The following ABL1 variants were observed in gnomAD, a reference collection of about 807,000 sequenced individuals.
ABL1 encodes the protein ABL proto-oncogene 1, non-receptor tyrosine kinase.
Under a neutral mutation model 94.7 loss-of-function variants are expected in ABL1, and 11 were observed. That is an observed-to-expected ratio of 0.12 (90% confidence interval 0.07 to 0.19). The LOEUF is 0.19. Among genes scored for constraint, ABL1 ranks in the 10% least tolerant of loss-of-function variants. The probability of loss-of-function intolerance (pLI) is 1.00; values close to 1 mark genes in which losing one functional copy is unlikely to be tolerated. For missense variants in ABL1, 1,082 were observed against 1,489.4 expected, an observed-to-expected ratio of 0.73 and a Z score of 4.50; for synonymous variants, 656 against 622.4, an observed-to-expected ratio of 1.05 and a Z score of -0.80.
At chr9:130,868,002 C>G (rs1300158962) in intron 4 of ABL1, among the ~76,000 whole-genome samples, 1 of 151,858 alleles carries the variant, frequency 6.6e-6, no homozygotes, top group Non-Finnish European at 1.5e-5. Flanking sequence ...CTCTGTCACC[C>G]AGGCTGGAGT....
chr9:130,816,995 C>T (rs975349615), intron 1 of ABL1, among the ~76,000 whole-genome samples: 1 of 152,216 alleles, frequency 6.6e-6, no homozygotes, highest in African/African-American at 2.4e-5. Context: ...CGTGAGCCAC[C>T]GCCTGGTCTC....
At chr9:130,731,733 C>G (rs1349701048) in intron 1 of ABL1, among the ~76,000 whole-genome samples, 2 of 152,134 alleles carry the variant, frequency 1.3e-5, no homozygotes, top group African/African-American at 4.8e-5. Flanking sequence ...TCTTGGCTTG[C>G]TCCTTTGTAT....
intron 10 of ABL1, among the ~76,000 whole-genome samples, chr9:130,881,098 C>A (rs35536786): frequency 9.3e-4 from 142 of 152,350 alleles, no homozygotes; most frequent in Non-Finnish European, 1.7e-3. Context: ...ATGGACAGAA[C>A]CCGTGTCCTG....
At position 130,762,725 on chromosome 9, in the gene ABL1, C is replaced by T. The variant is rs1429021526; in HGVS notation, c.136+48270C>T. Among the ~76,000 whole-genome samples the T allele has an allele frequency of 2.6e-5, 4 of 152,062 alleles. 1 individual carries two copies. Among genetic ancestry groups the T allele is most frequent in the African/African-American group, 9.7e-5 (4 of 41,392 alleles). ...AGGAGATCGAGACCATCCTGGCTAA[C>T]ACGGTGAAACCCCTTCTCTACTAAA... On this transcript the variant is annotated intron_variant, in intron 1 of 10. Transcript: ENST00000372348.
intron 1 of ABL1, among the ~76,000 whole-genome samples, chr9:130,779,279 G>A (rs1450974045): frequency 2.8e-5 from 4 of 145,028 alleles, no homozygotes; most frequent in African/African-American, 9.8e-5. Context: ...TCAAATGGTA[G>A]TTAGGGCAAC....
chr9:130,718,428 T>C (rs979356459), intron 1 of ABL1, among the ~76,000 whole-genome samples: 1 of 152,132 alleles, frequency 6.6e-6, no homozygotes, highest in African/African-American at 2.4e-5. Context: ...AAAACAGTTA[T>C]TTTCCAGTAA....
intron 1 of ABL1, among the ~76,000 whole-genome samples, chr9:130,807,622 G>A (rs371778714): frequency 2.0e-4 from 28 of 143,554 alleles, no homozygotes; most frequent in East Asian, 1.0e-3. Context: ...AGTTTAAATA[G>A]TTGTAAAGGA....
rs897530537 is a variant in ABL1, at chr9:130,814,260, C to T, written c.137-39804C>T. Among the ~76,000 whole-genome samples, 6 of 151,214 alleles carry T rather than the reference C, an allele frequency of 4.0e-5. No individual in the cohort carries two copies. The highest frequency in any genetic ancestry group is 1.5e-4 in the African/African-American group (6 of 40,982). ...CGAGATCGCGCCATTGCACTCCACC[C>T]TAGCGACAGAACGAGACTCCGTCTC... On this transcript the variant is annotated intron_variant, in intron 1 of 10. Coordinates refer to the ABL1 transcript ENST00000372348. This position sits in a 1 kb window ranked among gnomAD's most constrained non-coding sequence, Gnocchi z 4.4.
chr9:130,813,498 T>C (rs913763700), intron 1 of ABL1, among the ~76,000 whole-genome samples: 3 of 143,796 alleles, frequency 2.1e-5, no homozygotes, highest in African/African-American at 7.9e-5. Context: ...GAGGATGAGG[T>C]TGCAGTGAGC....
At chr9:130,835,176 G>A, upstream of ABL1, 1 of 188,040 alleles carries the variant, frequency 5.3e-6, no homozygotes, top group Non-Finnish European at 1.1e-5. This position sits in a 1 kb window ranked among gnomAD's most constrained non-coding sequence, Gnocchi z 4.6. Context: ...GTGCGGACGG[G>A]CGCGGCCAGG....
At chr9:130,734,548 G>A (rs1831710603) in intron 1 of ABL1, among the ~76,000 whole-genome samples, 1 of 146,978 alleles carries the variant, frequency 6.8e-6, no homozygotes, top group African/African-American at 2.5e-5. Context: ...TTGAGACAGG[G>A]TCTCACTCCG....
Position 130,870,863 on chromosome 9 carries a change from G to C in ABL1, c.823-1266G>C, listed in dbSNP as rs912505698. Reference sequence around the variant, plus strand: ...TAGCCTCATTGGTCACGCTTCACTTGTAAACAGGATTGGCCAAAGCAAGAA... The same window carrying C: ...TAGCCTCATTGGTCACGCTTCACTTCTAAACAGGATTGGCCAAAGCAAGAA... On this transcript the variant is annotated intron_variant, in intron 4 of 10. Coordinates refer to ENST00000318560, the MANE Select transcript of ABL1 (RefSeq NM_005157.6). 9.8e-5 allele frequency among the ~76,000 whole-genome samples: 15 copies of C among 152,312 alleles called. No homozygotes were observed. In the East Asian group the frequency reaches 1.9e-3, roughly 20 times the overall value.
At chr9:130,787,249 C>G (rs1280402550) in intron 1 of ABL1, among the ~76,000 whole-genome samples, 1 of 152,194 alleles carries the variant, frequency 6.6e-6, no homozygotes, top group Non-Finnish European at 1.5e-5. Flanking sequence ...CTTAGTCTGA[C>G]TCCATCTTAG....
In ABL1 at chr9:130,862,953, A is replaced by G. The variant is rs34549764; in HGVS notation, c.740A>G (p.Lys247Arg). The change falls in exon 4 of 11, where the codon AAG becomes AGG. Residue 247 changes from lysine to arginine, a missense_variant. This residue lies in a region of ABL1 where 92 missense variants were observed against 212.3 expected (regional missense o/e 0.43). Transcript: ENST00000318560. The surrounding 1 kb of genome is among the most constrained non-coding windows in gnomAD (Gnocchi z 5.5). ...CGCACGGACATCACCATGAAGCACA[A>G]GCTGGGCGGGGGCCAGTACGGGGAG... ...MERTDITMKH[K>R]LGGGQYGEVY... The G allele has an allele frequency of 3.1e-3, 4,972 of 1,614,194 alleles. 14 individuals are homozygous for G. Among genetic ancestry groups the G allele is most frequent in the Non-Finnish European group, 3.8e-3 (4,455 of 1,180,030 alleles).
intron 1 of ABL1, among the ~76,000 whole-genome samples, chr9:130,776,587 AAAAGC>A (rs980894975): frequency 2.0e-5 from 3 of 151,866 alleles, no homozygotes; most frequent in African/African-American, 7.3e-5. Context: ...AAAAAAAAAA[AAAAGC>A]AGCAGCTGTG....
intron 1 of ABL1, among the ~76,000 whole-genome samples, chr9:130,717,055 G>A (rs1023608486): frequency 2.0e-5 from 3 of 151,624 alleles, no homozygotes; most frequent in South Asian, 2.1e-4. Context: ...TTTTTTGTTC[G>A]TTTTTGCGAC....
rs577562581 is a variant in ABL1, at chr9:130,758,953, C to T, written c.136+44498C>T. Reference sequence around the variant, plus strand: ...AGGCAGCAGACCACCAAGCTGTGACCATGACCTTTTTTTGGTGCTAGTTTG... The same window carrying T: ...AGGCAGCAGACCACCAAGCTGTGACTATGACCTTTTTTTGGTGCTAGTTTG... On this transcript the variant is annotated intron_variant, in intron 1 of 10. Transcript: ENST00000372348. 2.5e-3 allele frequency among the ~76,000 whole-genome samples: 375 copies of T among 152,264 alleles called. 1 individual carries two copies. Among genetic ancestry groups the T allele is most frequent in the African/African-American group, 8.5e-3 (352 of 41,562 alleles).
At chr9:130,859,034 G>A (rs1831019634) in intron 3 of ABL1, among the ~76,000 whole-genome samples, 2 of 152,112 alleles carry the variant, frequency 1.3e-5, no homozygotes, top group African/African-American at 4.8e-5. Context: ...GCCTTGACAG[G>A]CTCAAACATC....
At chr9:130,856,727 AAATGATACATGCACGCG>A (rs1325073570) in intron 3 of ABL1, among the ~76,000 whole-genome samples, 2 of 152,340 alleles carry the variant, frequency 1.3e-5, no homozygotes, top group African/African-American at 4.8e-5. Context: ...AAAGGCACGC[AAATGATACATGCACGCG>A]AATGCATCAT....
Sources: gnomAD v4.1 joint callset for allele counts (sites outside exome capture counted in the v4.1 genomes callset) on GRCh38, gnomAD v4.1.1 for gene constraint, gnomAD v4.1.1 regional missense constraint, Gnocchi (gnomAD v3.1) non-coding constraint, MANE v1.5 for transcripts, NCBI Gene and HGNC (gene_info 2026-07-23, HGNC 2026-07-21) for gene names.